The following TENT2 variants were observed in gnomAD, a reference collection of about 807,000 sequenced individuals.
TENT2 encodes the protein poly(A) RNA polymerase GLD2.
TENT2 carries 44 observed loss-of-function variants against 72.2 expected under a neutral mutation model. The ratio of observed to expected loss-of-function variants is 0.61; its 90% CI spans 0.48 to 0.78. The LOEUF is 0.78. Ranked by LOEUF, TENT2 falls within the 30% of genes least tolerant of loss-of-function variation. TENT2 has a pLI of 0.00. For synonymous variants in TENT2, 212 were observed against 192.5 expected, an observed-to-expected ratio of 1.10 and a Z score of -0.84; for missense variants, 541 against 569.6, an observed-to-expected ratio of 0.95 and a Z score of 0.51.
chr5:79,640,837 G>T lies in TENT2; in HGVS notation c.466-14G>T. ...CTGAACAAAACTTTTACTTTTTTTT[G>T]CGGTGGATTCAAGTTGAGTCAGCAG... On this transcript the variant is annotated splice_polypyrimidine_tract_variant and intron_variant, in intron 4 of 14. Transcript: ENST00000453514. The T allele has an allele frequency of 6.5e-7, 1 of 1,546,468 alleles. No individual in the cohort carries two copies. Among genetic ancestry groups the T allele is most frequent in the Non-Finnish European group, 8.8e-7 (1 of 1,137,878 alleles).
intron 1 of TENT2, among the ~76,000 whole-genome samples, chr5:79,617,861 T>C (rs1356535857): frequency 6.6e-6 from 1 of 152,202 alleles, no homozygotes; most frequent in Non-Finnish European, 1.5e-5. Context: ...TTTGAATATT[T>C]TATAAACTTC....
chr5:79,671,249 G>C (rs57467565), intron 12 of TENT2, among the ~76,000 whole-genome samples: 3,206 of 152,164 alleles, frequency 0.021, 115 homozygotes, highest in African/African-American at 0.074. Flanking sequence ...TTTCATATGA[G>C]ATATTTTCAG....
At chr5:79,658,426 A>T (rs1799490574) in intron 11 of TENT2, among the ~76,000 whole-genome samples, 1 of 151,660 alleles carries the variant, frequency 6.6e-6, no homozygotes, top group Non-Finnish European at 1.5e-5. Flanking sequence ...CCTGGCCTCA[A>T]GCGAGCCTTC....
intron 1 of TENT2, chr5:79,615,092 A>G (rs938429980): frequency 2.0e-5 from 3 of 152,216 alleles, no homozygotes; most frequent in Admixed American, 1.3e-4. Context: ...AGAGCTTGAT[A>G]TATTTCTGGG....
intron 4 of TENT2, among the ~76,000 whole-genome samples, chr5:79,627,221 G>C (rs577018381): frequency 7.9e-5 from 12 of 152,042 alleles, no homozygotes; most frequent in African/African-American, 2.9e-4. Flanking sequence ...ACTATTGAAA[G>C]CTCTCTATTT....
At position 79,655,746 on chromosome 5, in the gene TENT2, G is replaced by GTT. The variant is rs551151075; in HGVS notation, c.1028-1199_1028-1198dup. ...AGTGATTCTGGTAAGTAATGATTGA[G>GTT]TTTTTTTTTTTTTTACTAATATTCT... On this transcript the variant is annotated intron_variant, in intron 10 of 14. Coordinates refer to ENST00000453514, the MANE Select transcript of TENT2 (RefSeq NM_001114394.3). Among the ~76,000 whole-genome samples, 806 of 144,042 alleles carry GTT rather than the reference G, an allele frequency of 5.6e-3. 9 individuals carry two copies. The highest frequency in any genetic ancestry group is 0.019 in the African/African-American group (762 of 40,228). 94.5% of individuals were successfully genotyped at this position (144,042 alleles called of 152,430 possible).
At chr5:79,649,494 G>C (rs1395036790) in intron 10 of TENT2, among the ~76,000 whole-genome samples, 1 of 150,112 alleles carries the variant, frequency 6.7e-6, no homozygotes, top group African/African-American at 2.5e-5. Context: ...ATGTTCAAAA[G>C]GCCTATAAAA....
chr5:79,668,217 A>C (rs2150618275), intron 11 of TENT2, among the ~76,000 whole-genome samples: 1 of 152,234 alleles, frequency 6.6e-6, no homozygotes, highest in Non-Finnish European at 1.5e-5. Context: ...CCTGGATTTC[A>C]GGCAAATAAT....
At chr5:79,634,279 T>C (rs987363520) in intron 4 of TENT2, among the ~76,000 whole-genome samples, 1 of 152,096 alleles carries the variant, frequency 6.6e-6, no homozygotes, top group African/African-American at 2.4e-5. Flanking sequence ...TGAGGACAAG[T>C]TACAATATTT....
intron 10 of TENT2, among the ~76,000 whole-genome samples, chr5:79,655,948 A>G (rs1213175544): frequency 1.3e-5 from 2 of 151,912 alleles, no homozygotes; most frequent in Non-Finnish European, 2.9e-5. Context: ...GTTGGTCATA[A>G]TGGTTCATTA....
chr5:79,645,102 A>C (rs1182691987), intron 7 of TENT2, 21 bp from the exon 8 acceptor site: 6 of 1,576,026 alleles, frequency 3.8e-6, no homozygotes, highest in East Asian at 2.3e-5. Flanking sequence ...GCAGCTATTC[A>C]CATTATCTTT....
In TENT2 at chr5:79,634,019, A is replaced by T. The variant is rs1025559302; in HGVS notation, c.466-6832A>T. ...ATACAAAAAAAAAAAAAAAAAAAAAATTAGCTGGACCTGGTGGCGGACGCC... is the reference window on the plus strand; with the variant it reads ...ATACAAAAAAAAAAAAAAAAAAAAATTTAGCTGGACCTGGTGGCGGACGCC... On this transcript the variant is annotated intron_variant, in intron 4 of 14. Transcript: ENST00000453514. 9.0e-4 allele frequency among the ~76,000 whole-genome samples: 128 copies of T among 142,662 alleles called. 1 individual carries two copies. The highest frequency in any genetic ancestry group is 3.3e-3 in the African/African-American group (120 of 36,814). 93.6% of individuals were successfully genotyped at this position (142,662 alleles called of 152,430 possible). A position where few individuals can be genotyped will look rare whatever the true frequency, so the allele number is the denominator to read the frequency against.
intron 4 of TENT2, among the ~76,000 whole-genome samples, chr5:79,634,430 A>G (rs576665121): frequency 1.7e-4 from 26 of 152,110 alleles, no homozygotes; most frequent in African/African-American, 5.8e-4. Context: ...TCTGCCTCCC[A>G]GGTTCAAGTG....
At chr5:79,632,613 T>C (rs1370890521) in intron 4 of TENT2, among the ~76,000 whole-genome samples, 1 of 152,180 alleles carries the variant, frequency 6.6e-6, no homozygotes, top group South Asian at 2.1e-4. Context: ...TTGGTATTGA[T>C]TGTAAAATAA....
chr5:79,640,812 C>G, intron 4 of TENT2, 39 bp from the exon 5 acceptor site: 2 of 1,364,140 alleles, frequency 1.5e-6, no homozygotes, highest in South Asian at 2.5e-5. Context: ...TTTTACATTG[C>G]TGAACAAAAC....
intron 10 of TENT2, among the ~76,000 whole-genome samples, chr5:79,652,407 A>T (rs1029438223): frequency 1.3e-5 from 2 of 152,048 alleles, no homozygotes; most frequent in African/African-American, 4.8e-5. Flanking sequence ...TTGTATATAT[A>T]CAAATACTGA....
intron 4 of TENT2, among the ~76,000 whole-genome samples, chr5:79,640,624 A>T (rs1452097244): frequency 6.6e-6 from 1 of 152,138 alleles, no homozygotes; most frequent in Non-Finnish European, 1.5e-5. Context: ...CTGTGACTGT[A>T]CTTTTCTGTG....
intron 4 of TENT2, among the ~76,000 whole-genome samples, chr5:79,629,559 G>A (rs1178709882): frequency 6.6e-6 from 1 of 152,234 alleles, no homozygotes; most frequent in African/African-American, 2.4e-5. Flanking sequence ...CAGGCACAGT[G>A]GCTCACGCCT....
Position 79,634,210 on chromosome 5 carries a change from T to C in TENT2, c.466-6641T>C, listed in dbSNP as rs567099024. 9.2e-4 allele frequency among the ~76,000 whole-genome samples: 140 copies of C among 151,962 alleles called. 1 individual carries two copies. The highest frequency in any genetic ancestry group is 6.8e-3 in the Middle Eastern group (2 of 294). On this transcript the variant is annotated intron_variant, in intron 4 of 14. Coordinates refer to ENST00000453514, the MANE Select transcript of TENT2 (RefSeq NM_001114394.3). ...CCAGCCAGCACTTCACGTGTCCTTATGGCTTGTGTTGACTTCAGACAATGG... is the reference window on the plus strand; with the variant it reads ...CCAGCCAGCACTTCACGTGTCCTTACGGCTTGTGTTGACTTCAGACAATGG...
Sources: gnomAD v4.1 joint callset for allele counts (sites outside exome capture counted in the v4.1 genomes callset) on GRCh38, gnomAD v4.1.1 for gene constraint, MANE v1.5 for transcripts, NCBI Gene and HGNC (gene_info 2026-07-23, HGNC 2026-07-21) for gene names.